Variants in ADRA1A observed in about 807,000 individuals in gnomAD.
ADRA1A encodes the protein adrenoceptor alpha 1A, also known as alpha-1A adrenergic receptor.
A neutral mutation model predicts 29.6 loss-of-function variants in ADRA1A; 31 were observed. That is an observed-to-expected ratio of 1.05 (90% confidence interval 0.79 to 1.41). The LOEUF (loss-of-function observed/expected upper bound fraction) is 1.41, where lower values mean the gene tolerates loss of function less well. ADRA1A is among the 40% of genes most tolerant of loss of function. The probability of loss-of-function intolerance (pLI) is 0.00; values close to 1 mark genes in which losing one functional copy is unlikely to be tolerated. For synonymous variants in ADRA1A, 311 were observed against 254.3 expected (o/e 1.22, Z -2.12); for missense variants, 619 against 601.1 (o/e 1.03, Z -0.31).
intron 2 of ADRA1A, among the ~76,000 whole-genome samples, chr8:26,839,969 TACGGAGCTTTGCA>T (rs1363553748): frequency 6.6e-6 from 1 of 152,238 alleles, no homozygotes; most frequent in Non-Finnish European, 1.5e-5. Flanking sequence ...GACACCTTTG[TACGGAGCTTTGCA>T]CTGACCTTGA....
At chr8:26,807,946 G>T (rs914971212) in intron 2 of ADRA1A, among the ~76,000 whole-genome samples, 1 of 152,138 alleles carries the variant, frequency 6.6e-6, no homozygotes, top group Non-Finnish European at 1.5e-5. Flanking sequence ...AGGAACCACA[G>T]TTCCCAAGCT....
intron 2 of ADRA1A, among the ~76,000 whole-genome samples, chr8:26,852,271 G>A (rs1339501361): frequency 6.6e-6 from 1 of 152,052 alleles, no homozygotes; most frequent in Non-Finnish European, 1.5e-5. Context: ...TGTACAGCTT[G>A]GATTGTTTTT....
chr8:26,850,025 C>CAAAAAAAAAAAAAAAAAAAACAAAAAACA (rs141672591), intron 2 of ADRA1A, among the ~76,000 whole-genome samples: 11 of 121,526 alleles, frequency 9.1e-5, no homozygotes, highest in East Asian at 2.3e-4. Context: ...GAGAGAAATG[C>CAAAAAAAAAAAAAAAAAAAACAAAAAACA]AAAAACAAAA....
At chr8:26,779,654 G>A (rs959470331) in intron 2 of ADRA1A, among the ~76,000 whole-genome samples, 9 of 152,126 alleles carry the variant, frequency 5.9e-5, no homozygotes, top group Non-Finnish European at 1.3e-4. Flanking sequence ...ACACCCTCAT[G>A]TCTATCCTAG....
At chr8:26,767,093 T>C (rs956886168), downstream of ADRA1A, among the ~76,000 whole-genome samples, 1 of 152,162 alleles carries the variant, frequency 6.6e-6, no homozygotes. Context: ...TCTCTCATAA[T>C]GCATGCAGTT....
chr8:26,813,742 C>A (rs1053869050), intron 2 of ADRA1A, among the ~76,000 whole-genome samples: 1 of 152,056 alleles, frequency 6.6e-6, no homozygotes, highest in East Asian at 1.9e-4. Flanking sequence ...CATTTTTTCT[C>A]ATTATTTTAT....
At chr8:26,797,771 G>A (rs1172814618) in intron 2 of ADRA1A, among the ~76,000 whole-genome samples, 1 of 152,116 alleles carries the variant, frequency 6.6e-6, no homozygotes, top group Non-Finnish European at 1.5e-5. Context: ...CTACATTTGA[G>A]TGTTTATTGA....
downstream of ADRA1A, chr8:26,765,906 C>T (rs1484397858): frequency 1.0e-5 from 15 of 1,437,508 alleles, no homozygotes; most frequent in East Asian, 3.5e-4. Flanking sequence ...TTCTCACTAC[C>T]AGGTCTTAAC....
rs1192483015 is a variant in ADRA1A, at chr8:26,748,749, CT to C, written c.1270-2del. The C allele has an allele frequency of 9.8e-6, 3 of 306,572 alleles. No individual in the cohort carries two copies. The highest frequency in any genetic ancestry group is 1.8e-5 in the Non-Finnish European group (3 of 166,242). The allele number at this position is 306,572 out of a possible 1,614,324, so 19.0% of individuals were successfully genotyped here. A position where few individuals can be genotyped will look rare whatever the true frequency, so the allele number is the denominator to read the frequency against. ...GCCTGGTGACAGAGCGAGACTTCGT[CT>C]AAAAAAAAAAAAAAAAAAAAGTTGA... On this transcript the variant is annotated splice_acceptor_variant, in intron 2 of 2. Transcript: ENST00000380586. LOFTEE classifies it high-confidence loss of function.
intron 2 of ADRA1A, among the ~76,000 whole-genome samples, chr8:26,824,449 A>G (rs886529090): frequency 7.2e-5 from 11 of 152,202 alleles, no homozygotes; most frequent in Non-Finnish European, 1.6e-4. Flanking sequence ...CATGATACCA[A>G]CATTGTAAGG....
chr8:26,778,710 C>T (rs993097158), intron 2 of ADRA1A, among the ~76,000 whole-genome samples: 7 of 147,040 alleles, frequency 4.8e-5, no homozygotes, highest in South Asian at 2.1e-4. Context: ...AACCAAACAC[C>T]GCATGTTCTC....
At chr8:26,809,089 G>A (rs1244234777) in intron 2 of ADRA1A, among the ~76,000 whole-genome samples, 1 of 152,100 alleles carries the variant, frequency 6.6e-6, no homozygotes, top group South Asian at 2.1e-4. Context: ...CTGGGCATAA[G>A]GTATGTGTTC....
rs549578089 is a variant in ADRA1A at position 26,797,626 on chromosome 8, A to G, written c.884-26960T>C. Among the ~76,000 whole-genome samples the G allele has an allele frequency of 3.3e-5, 5 of 151,944 alleles. No individual in the cohort carries two copies. In the South Asian group the frequency reaches 6.2e-4, roughly 19 times the overall value. On this transcript the variant is annotated intron_variant, in intron 2 of 2. Transcript: ENST00000380573. ...TTATTGTTATTTTAAAGAAATTAATATATTTTTTAAATTTCTCAGTTTTAA... is the reference window on the plus strand; with the variant it reads ...TTATTGTTATTTTAAAGAAATTAATGTATTTTTTAAATTTCTCAGTTTTAA...
intron 2 of ADRA1A, among the ~76,000 whole-genome samples, chr8:26,842,321 A>G (rs2130705026): frequency 6.6e-6 from 1 of 152,338 alleles, no homozygotes; most frequent in Non-Finnish European, 1.5e-5. Flanking sequence ...AGTTCCAGAT[A>G]GTTTCACTTA....
At chr8:26,802,124 A>C (rs555648929) in intron 2 of ADRA1A, among the ~76,000 whole-genome samples, 21 of 152,224 alleles carry the variant, frequency 1.4e-4, no homozygotes, top group African/African-American at 5.1e-4. Context: ...GAAACTACTA[A>C]AACAAAACAT....
At chr8:26,751,211 T>C (rs563301179) in intron 2 of ADRA1A, among the ~76,000 whole-genome samples, 2 of 152,324 alleles carry the variant, frequency 1.3e-5, no homozygotes, top group African/African-American at 4.8e-5. Context: ...GATACTGCAG[T>C]GCTTTTACTT....
At chr8:26,801,098 C>A (rs56914373) in intron 2 of ADRA1A, among the ~76,000 whole-genome samples, 12,156 of 152,080 alleles carry the variant, frequency 0.08, 527 homozygotes, top group African/African-American at 0.13. Context: ...TAAAAAGCCT[C>A]AAAAAATTGG....
intron 2 of ADRA1A, among the ~76,000 whole-genome samples, chr8:26,795,672 A>G (rs1808142887): frequency 6.6e-6 from 1 of 152,144 alleles, no homozygotes; most frequent in African/African-American, 2.4e-5. Flanking sequence ...TTACCTCCTG[A>G]TGGAAGTATA....
At chr8:26,785,524 T>C (rs997885451) in intron 2 of ADRA1A, among the ~76,000 whole-genome samples, 14 of 149,632 alleles carry the variant, frequency 9.4e-5, no homozygotes, top group African/African-American at 3.5e-4. Context: ...AGTTTAGAAA[T>C]CTTTCTTTTA....
Sources: gnomAD v4.1 joint callset for allele counts (sites outside exome capture counted in the v4.1 genomes callset) on GRCh38, gnomAD v4.1.1 for gene constraint, MANE v1.5 for transcripts, NCBI Gene and HGNC (gene_info 2026-07-23, HGNC 2026-07-21) for gene names.